The following PRR16 variants were observed in gnomAD, a reference collection of about 807,000 sequenced individuals.
PRR16 encodes protein Largen.
A neutral mutation model predicts 18.2 loss-of-function variants in PRR16; 6 were observed. The ratio of observed to expected loss-of-function variants is 0.33; its 90% CI spans 0.18 to 0.65. The LOEUF (loss-of-function observed/expected upper bound fraction) is 0.65, where lower values mean the gene tolerates loss of function less well. Ranked by LOEUF, PRR16 falls within the 30% of genes least tolerant of loss-of-function variation. PRR16 has a pLI of 0.74. For synonymous variants in PRR16, 151 were observed against 147.8 expected (o/e 1.02, Z -0.16); for missense variants, 412 against 376.6 (o/e 1.09, Z -0.78).
rs554165449 is a variant in PRR16, at chr5:120,651,636, T to C, written c.160-34318T>C. On this transcript the variant is annotated intron_variant, in intron 1 of 1. Transcript: ENST00000407149. Reference sequence around the variant, plus strand: ...TCAGGTTTGTCAAAGATCAGATGGTTGTAGATATGTGGCATTATTTCTGAG... The same window carrying C: ...TCAGGTTTGTCAAAGATCAGATGGTCGTAGATATGTGGCATTATTTCTGAG... 3.9e-5 allele frequency among the ~76,000 whole-genome samples: 6 copies of C among 152,282 alleles called. No homozygotes were observed. The East Asian group carries it at 9.7e-4, about 25-fold the overall frequency.
At chr5:120,784,439 G>T in the PRR16 span, among the ~76,000 whole-genome samples, 2 of 151,966 alleles carry the variant, frequency 1.3e-5, no homozygotes, top group African/African-American at 2.4e-5. Context: ...GTTTTAATTT[G>T]CATTTCTCTG....
At chr5:120,791,620 T>TATCTATCCATCC in the PRR16 span, among the ~76,000 whole-genome samples, 1 of 136,328 alleles carries the variant, frequency 7.3e-6, no homozygotes. Flanking sequence ...TCTATCTATC[T>TATCTATCCATCC]ATCCATCCAT....
At chr5:120,652,602 C>T (rs1755829623) in intron 1 of PRR16, among the ~76,000 whole-genome samples, 1 of 151,918 alleles carries the variant, frequency 6.6e-6, no homozygotes, top group Admixed American at 6.6e-5. Context: ...AAAGTATAGA[C>T]AAACCCCAAC....
At chr5:120,592,880 A>T (rs573658266) in intron 1 of PRR16, among the ~76,000 whole-genome samples, 38 of 152,296 alleles carry the variant, frequency 2.5e-4, no homozygotes, top group African/African-American at 9.1e-4. Flanking sequence ...GAAGCATGAG[A>T]TAATTGAAGT....
the PRR16 span, among the ~76,000 whole-genome samples, chr5:120,722,722 G>C: frequency 6.6e-6 from 1 of 151,922 alleles, no homozygotes; most frequent in African/African-American, 2.4e-5. Flanking sequence ...AGAGCAGACT[G>C]TTTCATTACC....
At chr5:120,694,456 G>A in the PRR16 span, among the ~76,000 whole-genome samples, 4 of 152,118 alleles carry the variant, frequency 2.6e-5, no homozygotes, top group East Asian at 3.9e-4. Flanking sequence ...AGACCGAGGC[G>A]GGCGGATCAC....
intron 1 of PRR16, among the ~76,000 whole-genome samples, chr5:120,595,589 T>G (rs1753773837): frequency 6.6e-6 from 1 of 151,842 alleles, no homozygotes; most frequent in Non-Finnish European, 1.5e-5. Context: ...GTTATATGCT[T>G]AGTACCTGAG....
chr5:120,613,275 G>T (rs748234697), intron 1 of PRR16, among the ~76,000 whole-genome samples: 1 of 151,732 alleles, frequency 6.6e-6, no homozygotes, highest in African/African-American at 2.4e-5. Context: ...ACCAGAATTG[G>T]TATTTTATAA....
the PRR16 span, among the ~76,000 whole-genome samples, chr5:120,698,830 T>C: frequency 6.6e-6 from 1 of 152,084 alleles, no homozygotes; most frequent in Non-Finnish European, 1.5e-5. Context: ...TTCTTGAAGA[T>C]GGAGGACCGT....
chr5:120,548,866 G>T (rs1312223386), intron 1 of PRR16, among the ~76,000 whole-genome samples: 1 of 151,930 alleles, frequency 6.6e-6, no homozygotes, highest in Non-Finnish European at 1.5e-5. Context: ...ATTTGATTTT[G>T]ATGCATCGAA....
At chr5:120,636,745 C>A (rs1190650235) in intron 1 of PRR16, among the ~76,000 whole-genome samples, 1 of 151,854 alleles carries the variant, frequency 6.6e-6, no homozygotes, top group African/African-American at 2.4e-5. Flanking sequence ...GATCAAGAAC[C>A]CAAAAGGAAA....
intron 1 of PRR16, among the ~76,000 whole-genome samples, chr5:120,662,164 T>C (rs1318288208): frequency 1.3e-5 from 2 of 152,134 alleles, no homozygotes; most frequent in Admixed American, 1.3e-4. Flanking sequence ...TTTATTAAGG[T>C]ATATTTTTCA....
intron 1 of PRR16, among the ~76,000 whole-genome samples, chr5:120,529,655 TG>T (rs1348153434): frequency 1.2e-4 from 18 of 151,992 alleles, no homozygotes; most frequent in Non-Finnish European, 1.9e-4. Flanking sequence ...TGATGAGGGG[TG>T]AAATAGGACA....
At chr5:120,600,982 A>G (rs1033373842) in intron 1 of PRR16, among the ~76,000 whole-genome samples, 38 of 152,020 alleles carry the variant, frequency 2.5e-4, no homozygotes, top group African/African-American at 8.2e-4. Flanking sequence ...ATTAATGAGC[A>G]TGTAGGTTGA....
At chr5:120,697,738 G>A in the PRR16 span, among the ~76,000 whole-genome samples, 2 of 152,162 alleles carry the variant, frequency 1.3e-5, no homozygotes, top group East Asian at 3.9e-4. Context: ...CTGGCGGGCA[G>A]GAGTGGGGGT....
intron 1 of PRR16, among the ~76,000 whole-genome samples, chr5:120,508,141 C>T (rs912124685): frequency 5.3e-5 from 8 of 152,100 alleles, no homozygotes; most frequent in Admixed American, 4.6e-4. Context: ...CATACCTTTC[C>T]TCTTTTTCCT....
intron 1 of PRR16, among the ~76,000 whole-genome samples, chr5:120,552,309 G>C (rs1752278809): frequency 6.6e-6 from 1 of 151,880 alleles, no homozygotes; most frequent in South Asian, 2.1e-4. Context: ...GGAACTAGGT[G>C]CTTGATTCTT....
At chr5:120,622,637 C>T (rs916624200) in intron 1 of PRR16, among the ~76,000 whole-genome samples, 2 of 151,960 alleles carry the variant, frequency 1.3e-5, no homozygotes, top group African/African-American at 4.8e-5. Flanking sequence ...CGCCACCATG[C>T]CTTGCTAATT....
intron 1 of PRR16, among the ~76,000 whole-genome samples, chr5:120,537,769 G>GTTTTT (rs71623210): frequency 2.6e-5 from 3 of 115,172 alleles, no homozygotes; most frequent in African/African-American, 9.8e-5. Context: ...AATTTTTAAT[G>GTTTTT]TTTTTTTTTT....
Sources: allele counts gnomAD v4.1 joint callset (sites outside exome capture counted in the v4.1 genomes callset), GRCh38; gene constraint gnomAD v4.1.1; transcripts MANE v1.5; gene names NCBI Gene and HGNC (gene_info 2026-07-23, HGNC 2026-07-21).